The following TBC1D26 variants were observed in gnomAD, a reference collection of about 807,000 sequenced individuals.
TBC1D26 encodes the protein TBC1 domain family, member 26.
In TBC1D26, 19 loss-of-function variants were observed where a neutral mutation model predicts 42.5. That is an observed-to-expected ratio of 0.45 (90% CI 0.31 to 0.66). The LOEUF (loss-of-function observed/expected upper bound fraction) is 0.66. Ranked by LOEUF, TBC1D26 falls within the 30% of genes least tolerant of loss-of-function variation. TBC1D26 has a pLI of 0.06. For missense variants in TBC1D26, 228 were observed against 332.6 expected, an observed-to-expected ratio of 0.69 and a Z score of 2.45; for synonymous variants, 97 against 123.5, an observed-to-expected ratio of 0.79 and a Z score of 1.42.
Position 15,743,536 on chromosome 17 carries a change from A to T in TBC1D26, c.1057+20A>T, listed in dbSNP as rs57267059. ...CCCCAGGTGGGCTCTAGCACCAGGT[A>T]CCCTCTGGAGTCACCCTCTGGGGCA... On this transcript the variant is annotated intron_variant, in intron 14 of 14. Coordinates refer to ENST00000437605, the MANE Select transcript of TBC1D26 (RefSeq NM_001388465.1). 1.4e-3 allele frequency: 1,371 copies of T among 975,670 alleles called. 5 individuals are homozygous for T. In the African/African-American group the frequency reaches 0.022, roughly 16 times the overall value. The allele number at this position is 975,670 out of a possible 1,614,324, so 60.4% of individuals were successfully genotyped here. A position where few individuals can be genotyped will look rare whatever the true frequency, so the allele number is the denominator to read the frequency against.
At chr17:15,740,548 C>T (rs1431158743) in intron 9 of TBC1D26, 1 of 1,172,036 alleles carries the variant, frequency 8.5e-7, no homozygotes, top group Non-Finnish European at 1.1e-6. Context: ...CCAATTTCCC[C>T]TTTGCCTGAA....
At chr17:15,742,199 C>T (rs992495396) in intron 11 of TBC1D26, among the ~76,000 whole-genome samples, 163 bp downstream of exon 11, 2 of 152,168 alleles carry the variant, frequency 1.3e-5, no homozygotes, top group Non-Finnish European at 2.9e-5. Context: ...CTTTTCCTGC[C>T]CTGGCAAAGG....
Position 15,744,282 on chromosome 17 carries a change from G to A in TBC1D26, c.1097G>A (p.Trp366Ter), listed in dbSNP as rs974963217. Reference sequence around the variant, plus strand: ...AATGCACATTGCTATACCATAGCCTGGGGCTTGCAATCCAAGGCTGGCAAG... The same window carrying A: ...AATGCACATTGCTATACCATAGCCTAGGGCTTGCAATCCAAGGCTGGCAAG... ...LQNAHCYTIA[W>*]GLQSKAGKDS... The change falls in exon 15 of 15, where the codon TGG becomes TAG. Residue 366 changes from tryptophan to a stop codon, truncating the protein, a stop_gained. Coordinates refer to ENST00000437605, the MANE Select transcript of TBC1D26 (RefSeq NM_001388465.1). LOFTEE classifies it high-confidence loss of function. The A allele has an allele frequency of 2.0e-5, 3 of 152,202 alleles. No individual in the cohort carries two copies. The highest frequency in any genetic ancestry group is 2.0e-4 in the Admixed American group (3 of 15,276). The allele number at this position is 152,202 out of a possible 1,614,324, so 9.4% of individuals were successfully genotyped here.
chr17:15,738,561 C>A (rs957940811), intron 7 of TBC1D26, 160 bp from the exon 8 acceptor site: 15 of 1,381,332 alleles, frequency 1.1e-5, no homozygotes, highest in Non-Finnish European at 1.5e-5. Flanking sequence ...GCTCTGCTGA[C>A]CCTCCCTGGT....
chr17:15,742,054 T>G lies in TBC1D26; in HGVS notation c.741+18T>G. The G allele has an allele frequency of 6.2e-7, 1 of 1,610,056 alleles. No individual in the cohort carries two copies. Among genetic ancestry groups the G allele is most frequent in the South Asian group, 1.1e-5 (1 of 90,952 alleles). ...GACACCTGGTGAGTGGATGACACCC[T>G]CAGCTCCTAACCAGACGCCCTGGCC... On this transcript the variant is annotated intron_variant, in intron 11 of 14. Transcript: ENST00000437605.
chr17:15,734,247 A>G (rs566196916), intron 1 of TBC1D26, among the ~76,000 whole-genome samples: 9 of 151,846 alleles, frequency 5.9e-5, no homozygotes, highest in African/African-American at 1.9e-4. Flanking sequence ...TCTGGAATTC[A>G]ATGAGGCAGG....
At chr17:15,741,065 C>A in intron 9 of TBC1D26, 57 bp from the exon 10 acceptor site, 1 of 1,597,278 alleles carries the variant, frequency 6.3e-7, no homozygotes. Flanking sequence ...TAAGTCCTCC[C>A]AGGTGGCCTC....
At position 15,738,349 on chromosome 17, in the gene TBC1D26, A is replaced by G. The variant is rs374376038; in HGVS notation, c.349A>G (p.Ile117Val). The change falls in exon 7 of 15, where the codon ATT (isoleucine) becomes GTT (valine). Residue 117 changes from isoleucine to valine, a missense_variant. This residue lies in a region of TBC1D26 where 72 missense variants were observed against 90.1 expected (regional missense o/e 0.80). Coordinates refer to ENST00000437605, the MANE Select transcript of TBC1D26 (RefSeq NM_001388465.1). ...RGRAWSLLLD[I>V]DRIKSQNPGK... is the part of the protein sequence containing the mutation. ...CCGGGCGTGGTCACTTTTGCTAGAT[A>G]TTGACAGAATCAAGTCCCAGAACCC... is the stretch of plus-strand genomic sequence containing the variant. 1.9e-5 allele frequency: 31 copies of G among 1,613,556 alleles called. No individual in the cohort carries two copies. Among genetic ancestry groups the G allele is most frequent in the African/African-American group, 2.7e-5 (2 of 74,902 alleles).
rs199778054 is a variant in TBC1D26 at position 15,738,101 on chromosome 17, G to A, written c.279+24G>A. The A allele has an allele frequency of 1.2e-3, 1,895 of 1,610,828 alleles. 17 individuals carry two copies. In the African/African-American group the frequency reaches 0.022, roughly 19 times the overall value. The stretch of plus-strand genomic sequence containing the variant: ...AGGTAACATGGGGAGGAAGTGGCCC[G>A]CGTGACTGCTCTCTGCAGAGCCAGG... On this transcript the variant is annotated intron_variant, in intron 6 of 14. Transcript: ENST00000437605.
In TBC1D26 at chr17:15,738,377, G is replaced by T; in HGVS notation, c.377G>T (p.Gly126Val). The change falls in exon 7 of 15, where the codon GGC becomes GTC. Residue 126 changes from glycine (G) to valine (V), a missense_variant. Gly to Val is a moderately radical substitution (Grantham distance 109). This residue lies in a region of TBC1D26 where 72 missense variants were observed against 90.1 expected (regional missense o/e 0.80). Transcript: ENST00000437605. ...GACAGAATCAAGTCCCAGAACCCAG[G>T]CAAATATAAGGTAAGTCCCTCCCAC... is the stretch of plus-strand genomic sequence containing the variant. ...DIDRIKSQNPGKYKVMKEKGK... is the reference protein window; with the variant it reads ...DIDRIKSQNPVKYKVMKEKGK... 1 of 1,613,652 alleles carries T rather than the reference G, an allele frequency of 6.2e-7. No homozygotes were observed.
In TBC1D26 at chr17:15,738,717, A is replaced by G; in HGVS notation, c.388-4A>G. 2 of 1,613,916 alleles carry G rather than the reference A, an allele frequency of 1.2e-6. No homozygotes were observed. Among genetic ancestry groups the G allele is most frequent in the South Asian group, 2.2e-5 (2 of 91,070 alleles). On this transcript the variant is annotated splice_region_variant and splice_polypyrimidine_tract_variant and intron_variant, in intron 7 of 14. Coordinates refer to ENST00000437605, the MANE Select transcript of TBC1D26 (RefSeq NM_001388465.1). ...TGCTTCCTCCTCTTGGCCCTGCCCT[A>G]CAGGTCATGAAGGAGAAGGGCAAGA...
rs763991069 is a variant in TBC1D26 at position 15,742,055 on chromosome 17, C to T, written c.741+19C>T. On this transcript the variant is annotated intron_variant, in intron 11 of 14. Transcript: ENST00000437605. The stretch of plus-strand genomic sequence containing the variant: ...ACACCTGGTGAGTGGATGACACCCT[C>T]AGCTCCTAACCAGACGCCCTGGCCC... 3.6e-5 allele frequency: 58 copies of T among 1,608,840 alleles called. No homozygotes were observed. Among genetic ancestry groups the T allele is most frequent in the East Asian group, 4.5e-5 (2 of 44,816 alleles).
At chr17:15,741,627 A>T in intron 10 of TBC1D26, 1 of 473,894 alleles carries the variant, frequency 2.1e-6, no homozygotes, top group Non-Finnish European at 3.8e-6. Context: ...TGCCCATCCC[A>T]TGTCCCCCAG....
intron 11 of TBC1D26, 108 bp downstream of exon 11, chr17:15,742,144 C>G: frequency 3.3e-6 from 3 of 898,840 alleles, no homozygotes; most frequent in Non-Finnish European, 3.4e-6. Context: ...CCAGCCACGG[C>G]CTGACCTGGG....
chr17:15,741,840 G>A, intron 10 of TBC1D26, 102 bp from the exon 11 acceptor site: 1 of 1,092,728 alleles, frequency 9.2e-7, no homozygotes, highest in African/African-American at 1.5e-5. Context: ...AGGGAGGGAG[G>A]CCTCGGGGTC....
chr17:15,740,602 G>C (rs997470987), intron 9 of TBC1D26: 46 of 1,087,806 alleles, frequency 4.2e-5, no homozygotes, highest in Non-Finnish European at 5.1e-5. Context: ...CACCCAGGTG[G>C]CTGTTCCTGC....
chr17:15,732,784 C>G (rs948250659), intron 1 of TBC1D26, among the ~76,000 whole-genome samples: 9 of 152,152 alleles, frequency 5.9e-5, no homozygotes, highest in African/African-American at 2.2e-4. Flanking sequence ...AGGTGGTGCT[C>G]GGTCCAAGTC....
chr17:15,736,158 G>A (rs897627941), intron 4 of TBC1D26, among the ~76,000 whole-genome samples: 1 of 152,204 alleles, frequency 6.6e-6, no homozygotes, highest in Admixed American at 6.5e-5. Context: ...GCCCTGGTAG[G>A]TTGTGGAAGA....
At chr17:15,733,756 T>A (rs1235742628) in intron 1 of TBC1D26, 3 of 152,262 alleles carry the variant, frequency 2.0e-5, no homozygotes, top group African/African-American at 7.2e-5. Flanking sequence ...ACCTGGGCAA[T>A]GGCCCATTAT....
Sources: allele counts gnomAD v4.1 joint callset (sites outside exome capture counted in the v4.1 genomes callset), GRCh38; gene constraint gnomAD v4.1.1; regional missense constraint gnomAD v4.1.1; transcripts MANE v1.5; gene names NCBI Gene and HGNC (gene_info 2026-07-23, HGNC 2026-07-21).